USH2A: variants seen among roughly 807,000 people sequenced by gnomAD.
USH2A encodes Usher syndrome 2A (autosomal recessive, mild).
USH2A carries 443 observed loss-of-function variants against 538.9 expected under a neutral mutation model. That is an observed-to-expected ratio of 0.82 (90% CI 0.76 to 0.89). The LOEUF is 0.89. USH2A is among the 40% of genes least tolerant of loss of function. USH2A has a pLI of 0.00. For synonymous variants in USH2A, 2,413 were observed against 2,273.5 expected (o/e 1.06, Z -1.75); for missense variants, 6,633 against 6,324.8 (o/e 1.05, Z -1.65).
intron 71 of USH2A, among the ~76,000 whole-genome samples, chr1:215,627,456 C>T: frequency 7.1e-6 from 1 of 140,878 alleles, no homozygotes; most frequent in African/African-American, 2.6e-5. Flanking sequence ...TTCCTTCCTT[C>T]CTTCCTTCCT....
At chr1:215,814,032 G>T (rs888761375) in intron 48 of USH2A, 128 bp from the exon 49 acceptor site, 2 of 1,113,412 alleles carry the variant, frequency 1.8e-6, no homozygotes, top group Non-Finnish European at 2.6e-6. Context: ...CTCATATTTC[G>T]TTGGTTTAAA....
At chr1:216,389,405 C>A (rs1055925668) in intron 3 of USH2A, among the ~76,000 whole-genome samples, 1 of 152,010 alleles carries the variant, frequency 6.6e-6, no homozygotes, top group South Asian at 2.1e-4. Flanking sequence ...TTCAGTCTGG[C>A]CCAACATACT....
chr1:216,126,919 G>A (rs2033265754), intron 21 of USH2A, among the ~76,000 whole-genome samples: 1 of 152,176 alleles, frequency 6.6e-6, no homozygotes, highest in Non-Finnish European at 1.5e-5. Context: ...GCTGGAATAA[G>A]TTCTACTTCT....
chr1:215,741,294 T>C (rs763612438), intron 60 of USH2A, 81 bp downstream of exon 60: 24 of 1,485,910 alleles, frequency 1.6e-5, no homozygotes, highest in Non-Finnish European at 2.2e-5. Context: ...CTTATGGAAA[T>C]ATAAAATGCT....
intron 56 of USH2A, among the ~76,000 whole-genome samples, chr1:215,763,295 C>T (rs554816643): frequency 2.6e-5 from 4 of 152,234 alleles, no homozygotes; most frequent in African/African-American, 4.8e-5. Context: ...GAAGGAGGCA[C>T]AGTAGCTGTT....
intron 47 of USH2A, among the ~76,000 whole-genome samples, chr1:215,821,098 T>A (rs1663000275): frequency 6.6e-6 from 1 of 151,756 alleles, no homozygotes; most frequent in Admixed American, 6.6e-5. Context: ...CTTTTGGATA[T>A]ACACCCAGTA....
In USH2A at chr1:216,327,604, C is replaced by T. The variant is rs764553154; in HGVS notation, c.835G>A (p.Ala279Thr). 2.5e-5 allele frequency: 41 copies of T among 1,613,016 alleles called. No individual in the cohort carries two copies. The highest frequency in any genetic ancestry group is 3.2e-5 in the Non-Finnish European group (38 of 1,179,452). ...ACATCTGCTTACCTGTTTGTAAGTG[C>T]CACTTGGTATAATCGAAAATCTTGC... is the stretch of plus-strand genomic sequence containing the variant. ...RMQDFRLYQV[A>T]LTNREILEVF... Residue 279 changes from alanine (A) to threonine (T), a missense_variant, in exon 5 of 72, where the codon GCA (alanine) becomes ACA (threonine). Transcript: ENST00000307340.
chr1:215,668,861 T>A (rs1657714196), intron 64 of USH2A, among the ~76,000 whole-genome samples: 1 of 152,126 alleles, frequency 6.6e-6, no homozygotes, highest in Non-Finnish European at 1.5e-5. Flanking sequence ...CAAAACCCTG[T>A]CTCTACTAAA....
intron 38 of USH2A, among the ~76,000 whole-genome samples, chr1:215,932,269 G>A (rs1300937113): frequency 2.6e-5 from 4 of 151,940 alleles, no homozygotes; most frequent in Non-Finnish European, 5.9e-5. Flanking sequence ...AAGTTGGTTT[G>A]CCTCCGTATA....
chr1:215,978,492 T>C (rs115642997), intron 35 of USH2A, among the ~76,000 whole-genome samples: 79 of 152,258 alleles, frequency 5.2e-4, no homozygotes, highest in African/African-American at 1.7e-3. Flanking sequence ...TATAAATATA[T>C]TGAAAGTCAA....
intron 2 of USH2A, among the ~76,000 whole-genome samples, chr1:216,420,204 A>G (rs1390062240): frequency 6.6e-6 from 1 of 152,106 alleles, no homozygotes; most frequent in African/African-American, 2.4e-5. Context: ...TCTACAAGTG[A>G]GAATTCGACC....
intron 38 of USH2A, among the ~76,000 whole-genome samples, chr1:215,911,063 A>AT (rs905008026): frequency 2.0e-5 from 3 of 151,196 alleles, no homozygotes; most frequent in African/African-American, 2.4e-5. Flanking sequence ...TAATTTTTTA[A>AT]TTTTTTTTTA....
chr1:215,778,266 G>C (rs1661520912), intron 55 of USH2A, among the ~76,000 whole-genome samples: 1 of 152,090 alleles, frequency 6.6e-6, no homozygotes. Context: ...TGGCCAGGCT[G>C]GTCTCGAACT....
intron 3 of USH2A, among the ~76,000 whole-genome samples, chr1:216,409,975 G>T (rs2039458476): frequency 1.3e-5 from 2 of 152,024 alleles, no homozygotes; most frequent in South Asian, 2.1e-4. Flanking sequence ...TCTGGCAAAG[G>T]TCTGATAGCT....
At chr1:216,231,556 T>C (rs1572073444) in intron 14 of USH2A, among the ~76,000 whole-genome samples, 2 of 29,200 alleles carry the variant, frequency 6.8e-5, no homozygotes, top group East Asian at 3.5e-3. Context: ...AAAAAACACT[T>C]TTTTTTTTTT....
At chr1:215,944,882 A>T (rs1302559624) in intron 37 of USH2A, among the ~76,000 whole-genome samples, 1 of 152,184 alleles carries the variant, frequency 6.6e-6, no homozygotes, top group African/African-American at 2.4e-5. Context: ...AGTGAAAATT[A>T]GTAAATGGCT....
At chr1:216,354,920 T>G (rs995801074) in intron 4 of USH2A, among the ~76,000 whole-genome samples, 7 of 151,976 alleles carry the variant, frequency 4.6e-5, no homozygotes, top group Admixed American at 2.0e-4. Context: ...TAAGCAAACC[T>G]CAAGCAGGAC....
At position 215,999,003 on chromosome 1, in the gene USH2A, A is replaced by G. The variant is rs1295872068; in HGVS notation, c.6541T>C (p.Ser2181Pro). Residue 2181 changes from serine (S) to proline (P), a missense_variant, in exon 34 of 72, where the codon TCA (serine) becomes CCA (proline). Physicochemically the swap from Ser to Pro is moderately conservative, Grantham distance 74. Coordinates refer to ENST00000307340, the MANE Select transcript of USH2A (RefSeq NM_206933.4). Reference sequence around the variant, plus strand: ...ATTGTAAAATCATGTGTATGGTTTGACATATATAATACATAGCGTTCCAGA... The same window carrying G: ...ATTGTAAAATCATGTGTATGGTTTGGCATATATAATACATAGCGTTCCAGA... The part of the protein sequence containing the change: ...GILERYVLYM[S>P]NHTHDFTIWS... The G allele has an allele frequency of 5.0e-6, 8 of 1,612,894 alleles. No individual in the cohort carries two copies. The highest frequency in any genetic ancestry group is 6.8e-6 in the Non-Finnish European group (8 of 1,179,250).
chr1:216,377,874 A>AGAAG (rs1558061900), intron 3 of USH2A, among the ~76,000 whole-genome samples: 6 of 146,018 alleles, frequency 4.1e-5, no homozygotes, highest in South Asian at 2.2e-4. Flanking sequence ...AAAGAAGGAA[A>AGAAG]GAAAGAAAGG....
Sources: allele counts gnomAD v4.1 joint callset (sites outside exome capture counted in the v4.1 genomes callset), GRCh38; gene constraint gnomAD v4.1.1; transcripts MANE v1.5; gene names NCBI Gene and HGNC (gene_info 2026-07-23, HGNC 2026-07-21).